Variants in STAC observed in about 807,000 individuals in gnomAD.
STAC encodes the protein SH3 and cysteine rich domain.
Under a neutral mutation model 48.8 loss-of-function variants are expected in STAC, and 43 were observed. That is an observed-to-expected ratio of 0.88 (90% CI 0.69 to 1.14). The LOEUF is 1.14. Ranked by LOEUF, STAC falls within the 50% of genes most tolerant of loss-of-function variation. STAC has a pLI of 0.00. For missense variants in STAC, 497 were observed against 504.0 expected, an observed-to-expected ratio of 0.99 and a Z score of 0.13; for synonymous variants, 193 against 179.5, an observed-to-expected ratio of 1.07 and a Z score of -0.60.
chr3:36,470,652 C>A (rs1415085342), intron 2 of STAC, among the ~76,000 whole-genome samples: 1 of 152,246 alleles, frequency 6.6e-6, no homozygotes, highest in East Asian at 1.9e-4. Context: ...TTGATTCTCT[C>A]AGCTTTCCTG....
chr3:36,443,624 C>A lies in STAC; in HGVS notation c.372C>A (p.Cys124Ter), dbSNP rs1696423598. The part of the protein sequence containing the change: ...IFKKPTFCDV[C>*]NHMIVGTNAK... ...AGAAGCCCACTTTCTGTGATGTCTG[C>A]AACCACATGATAGTGGGTAAGGCCT... The change falls in exon 2 of 11, where the codon TGC becomes TGA. Residue 124 changes from cysteine to a stop codon, truncating the protein, a stop_gained. Transcript: ENST00000273183. LOFTEE classifies it high-confidence loss of function. This position sits in a 1 kb window ranked among gnomAD's most constrained non-coding sequence, Gnocchi z 4.2. 6.2e-7 allele frequency: 1 copy of A among 1,612,330 alleles called. No homozygotes were observed. Among genetic ancestry groups the A allele is most frequent in the African/African-American group, 1.3e-5 (1 of 74,922 alleles).
At chr3:36,396,306 A>T (rs1255107961) in intron 1 of STAC, among the ~76,000 whole-genome samples, 1 of 152,172 alleles carries the variant, frequency 6.6e-6, no homozygotes, top group African/African-American at 2.4e-5. Context: ...TAGTTTCATT[A>T]AAAAATTTGA....
At chr3:36,529,337 T>C (rs959999047) in intron 10 of STAC, 2 of 160,848 alleles carry the variant, frequency 1.2e-5, no homozygotes, top group African/African-American at 4.8e-5. Context: ...TCTTCAGTGC[T>C]CTCTAACAAA....
chr3:36,509,311 C>T (rs1281603593), intron 8 of STAC, among the ~76,000 whole-genome samples: 1 of 152,100 alleles, frequency 6.6e-6, no homozygotes. Context: ...GTAATCCAAC[C>T]TTTCTCTCTG....
chr3:36,488,253 C>G (rs1559510717), intron 5 of STAC, among the ~76,000 whole-genome samples: 1 of 152,156 alleles, frequency 6.6e-6, no homozygotes, highest in Non-Finnish European at 1.5e-5. Flanking sequence ...CATTACGCAT[C>G]TAGCCTTAAC....
intron 2 of STAC, among the ~76,000 whole-genome samples, chr3:36,470,132 T>C (rs1303844143): frequency 6.6e-6 from 1 of 152,224 alleles, no homozygotes; most frequent in African/African-American, 2.4e-5. Context: ...TTGGAGGTGT[T>C]AAAGAACCTT....
At chr3:36,505,682 T>C in intron 7 of STAC, 64 bp from the exon 8 acceptor site, 3 of 1,143,564 alleles carry the variant, frequency 2.6e-6, no homozygotes, top group East Asian at 4.8e-5. Context: ...TCCTGTTTTC[T>C]TTCTTTCCTC....
At chr3:36,403,665 C>T (rs1285690132) in intron 1 of STAC, among the ~76,000 whole-genome samples, 1 of 152,004 alleles carries the variant, frequency 6.6e-6, no homozygotes, top group East Asian at 1.9e-4. Context: ...TTAGTAAAAT[C>T]ATGTGACATT....
chr3:36,473,149 AC>A (rs1338757437), intron 2 of STAC, among the ~76,000 whole-genome samples: 2 of 152,106 alleles, frequency 1.3e-5, no homozygotes, highest in Non-Finnish European at 2.9e-5. Flanking sequence ...CCCCTGATAA[AC>A]CCATCAGATC....
At chr3:36,445,069 T>C (rs1416757776) in intron 2 of STAC, among the ~76,000 whole-genome samples, 1 of 152,112 alleles carries the variant, frequency 6.6e-6, no homozygotes, top group Non-Finnish European at 1.5e-5. Context: ...CTTAAATAGG[T>C]GATGATGAGC....
chr3:36,400,640 A>C (rs1421325005), intron 1 of STAC, among the ~76,000 whole-genome samples: 1 of 152,232 alleles, frequency 6.6e-6, no homozygotes, highest in Non-Finnish European at 1.5e-5. Flanking sequence ...ATTGGACTTC[A>C]TCCCCAGAGT....
chr3:36,476,155 T>A (rs1232565685), intron 2 of STAC, among the ~76,000 whole-genome samples: 2 of 152,234 alleles, frequency 1.3e-5, no homozygotes, highest in Admixed American at 6.5e-5. Context: ...GGTAGGCTAA[T>A]CTTTCCTGAT....
intron 2 of STAC, among the ~76,000 whole-genome samples, chr3:36,478,682 A>G (rs1169964353): frequency 6.6e-6 from 1 of 152,032 alleles, no homozygotes; most frequent in African/African-American, 2.4e-5. Context: ...TTTAGTAGAG[A>G]TGGGTTTTTT....
At chr3:36,521,618 G>A (rs982761200) in intron 8 of STAC, among the ~76,000 whole-genome samples, 30 of 152,108 alleles carry the variant, frequency 2.0e-4, no homozygotes, top group African/African-American at 4.8e-4. Context: ...AAATGTTAGC[G>A]TCTGAAGCCA....
At chr3:36,454,147 G>C (rs1368329819) in intron 2 of STAC, among the ~76,000 whole-genome samples, 1 of 152,108 alleles carries the variant, frequency 6.6e-6, no homozygotes, top group African/African-American at 2.4e-5. Context: ...CAACCCGCTC[G>C]GATCCTCTTC....
chr3:36,502,764 C>G (rs542812973), intron 6 of STAC, among the ~76,000 whole-genome samples: 12 of 152,286 alleles, frequency 7.9e-5, no homozygotes, highest in East Asian at 1.9e-4. Flanking sequence ...TTTTGCTAAT[C>G]TCTACTCTTT....
intron 8 of STAC, among the ~76,000 whole-genome samples, chr3:36,524,128 T>G (rs1485026620): frequency 3.3e-5 from 5 of 152,060 alleles, no homozygotes; most frequent in Admixed American, 1.3e-4. Flanking sequence ...TCCCACATTA[T>G]CTAGTACCTG....
intron 1 of STAC, among the ~76,000 whole-genome samples, chr3:36,404,617 C>A (rs969918934): frequency 2.0e-5 from 3 of 151,990 alleles, no homozygotes; most frequent in Non-Finnish European, 4.4e-5. Flanking sequence ...TGATTAAGTA[C>A]AATATACTAT....
chr3:36,536,454 C>T (rs570058588), intron 10 of STAC, among the ~76,000 whole-genome samples: 14 of 152,064 alleles, frequency 9.2e-5, no homozygotes, highest in South Asian at 6.2e-4. Context: ...CATCTACAAC[C>T]ATCTAATCTT....
Sources: allele counts gnomAD v4.1 joint callset (sites outside exome capture counted in the v4.1 genomes callset), GRCh38; gene constraint gnomAD v4.1.1; non-coding constraint Gnocchi (gnomAD v3.1); transcripts MANE v1.5; gene names NCBI Gene and HGNC (gene_info 2026-07-23, HGNC 2026-07-21).